Variants in CWC22 observed in about 807,000 individuals in gnomAD.
CWC22 encodes the protein pre-mRNA-splicing factor CWC22 homolog.
CWC22 carries 53 observed loss-of-function variants against 117.2 expected under a neutral mutation model. The ratio of observed to expected loss-of-function variants is 0.45; its 90% CI spans 0.36 to 0.57. CWC22 has a LOEUF of 0.57. Among genes scored for constraint, CWC22 ranks in the 20% least tolerant of loss-of-function variants. The pLI, the probability that CWC22 is intolerant of heterozygous loss-of-function variation, is 0.00. For missense variants in CWC22, 980 were observed against 1,068.8 expected, an observed-to-expected ratio of 0.92 and a Z score of 1.16; for synonymous variants, 360 against 355.6, an observed-to-expected ratio of 1.01 and a Z score of -0.14.
At chr2:179,947,274 C>T (rs1432197188) in intron 19 of CWC22, among the ~76,000 whole-genome samples, 1 of 152,146 alleles carries the variant, frequency 6.6e-6, no homozygotes, top group Non-Finnish European at 1.5e-5. Context: ...TCTCTGGTTC[C>T]TATCAAACAG....
intron 2 of CWC22, among the ~76,000 whole-genome samples, chr2:179,989,570 AG>A (rs765583018): frequency 2.6e-5 from 4 of 152,170 alleles, no homozygotes; most frequent in Non-Finnish European, 5.9e-5. Flanking sequence ...CATTACTTTT[AG>A]GGTATAAGCA....
At position 179,970,769 on chromosome 2, in the gene CWC22, C is replaced by T. The variant is rs373594028; in HGVS notation, c.1028G>A (p.Arg343Gln). 12 of 1,613,540 alleles carry T rather than the reference C, an allele frequency of 7.4e-6. No homozygotes were observed. The highest frequency in any genetic ancestry group is 1.0e-5 in the Non-Finnish European group (12 of 1,179,704). The change falls in exon 10 of 20, where the codon CGG becomes CAG. Residue 343 changes from arginine to glutamine, a missense_variant. By Grantham distance (43) the Arg-to-Gln change is conservative. Around this residue, in one of 3 missense-constraint regions of CWC22, gnomAD observed 559 missense variants for 602.3 expected, o/e 0.93. Coordinates refer to ENST00000410053, the MANE Select transcript of CWC22 (RefSeq NM_020943.3). ...GGGGTGGTCCTTGAATCCATCTTTC[C>T]GTACAGCAAACATCACTTCAATCAT... ...QYMIEVMFAV[R>Q]KDGFKDHPII...
chr2:179,956,741 C>G (rs992900649), intron 14 of CWC22, among the ~76,000 whole-genome samples: 1 of 151,526 alleles, frequency 6.6e-6, no homozygotes, highest in Non-Finnish European at 1.5e-5. Flanking sequence ...TTTCTAAATT[C>G]TACCAAATTA....
intron 4 of CWC22, among the ~76,000 whole-genome samples, chr2:179,986,116 T>C (rs1403104358): frequency 1.3e-5 from 2 of 152,092 alleles, no homozygotes; most frequent in Non-Finnish European, 2.9e-5. Flanking sequence ...CTGCCTTCCA[T>C]TCAGTTCCCT....
chr2:179,948,042 T>C (rs1686354084), intron 19 of CWC22, among the ~76,000 whole-genome samples: 1 of 152,214 alleles, frequency 6.6e-6, no homozygotes. Context: ...CATCTTTTAC[T>C]ATAGCATTTC....
At chr2:179,982,504 T>C (rs1460944447) in intron 4 of CWC22, among the ~76,000 whole-genome samples, 1 of 152,126 alleles carries the variant, frequency 6.6e-6, no homozygotes, top group Non-Finnish European at 1.5e-5. Flanking sequence ...ATATGACAAA[T>C]TGTATAAAGG....
chr2:179,997,225 A>G (rs1321955691), intron 1 of CWC22, among the ~76,000 whole-genome samples: 2 of 152,108 alleles, frequency 1.3e-5, no homozygotes, highest in South Asian at 2.1e-4. Context: ...TACACTATGC[A>G]AGGTTTTCTA....
At chr2:179,948,509 T>C (rs973587547) in intron 19 of CWC22, among the ~76,000 whole-genome samples, 8 of 152,074 alleles carry the variant, frequency 5.3e-5, no homozygotes, top group African/African-American at 1.9e-4. Context: ...CAGAGAAAAA[T>C]AGTTTCCCTG....
rs570426588 is a variant in CWC22, at chr2:180,005,481, C to G, written c.-114+1386G>C. ...GTCCCAGCTACTTGGGAGGCTGAGGCAGGAGAATGGCATGAACTAGGGAGG... is the reference window on the plus strand; with the variant it reads ...GTCCCAGCTACTTGGGAGGCTGAGGGAGGAGAATGGCATGAACTAGGGAGG... On this transcript the variant is annotated intron_variant, in intron 1 of 19. Transcript: ENST00000410053. 3.3e-5 allele frequency among the ~76,000 whole-genome samples: 5 copies of G among 152,256 alleles called. No individual in the cohort carries two copies. In the East Asian group the frequency reaches 9.7e-4, roughly 29 times the overall value.
In CWC22 at chr2:179,950,839, A is replaced by T. The variant is rs1669956276; in HGVS notation, c.1905T>A (p.Gly635=). 1.2e-6 allele frequency: 2 copies of T among 1,601,906 alleles called. No homozygotes were observed. The highest frequency in any genetic ancestry group is 1.7e-6 in the Non-Finnish European group (2 of 1,172,422). ...RFAINFFTSI[G]LGGLTDELRE... ...ATAATCCTTACGTTAAACCTCCAAGACCTATAGAAGTAAAGAAGTTGATGG... is the reference window on the plus strand; with the variant it reads ...ATAATCCTTACGTTAAACCTCCAAGTCCTATAGAAGTAAAGAAGTTGATGG... The change falls in exon 18 of 20, where the codon GGT becomes GGA. Residue 635 remains glycine (G), a synonymous_variant. Transcript: ENST00000410053.
At chr2:179,968,780 C>T (rs1489055020) in intron 11 of CWC22, among the ~76,000 whole-genome samples, 1 of 151,934 alleles carries the variant, frequency 6.6e-6, no homozygotes, top group Non-Finnish European at 1.5e-5. Flanking sequence ...GTTGGTCAGA[C>T]TAGTCTCGAA....
intron 4 of CWC22, among the ~76,000 whole-genome samples, chr2:179,984,613 T>C (rs897333252): frequency 6.6e-6 from 1 of 151,998 alleles, no homozygotes; most frequent in African/African-American, 2.4e-5. Context: ...AAGATATTGA[T>C]TTTAGTCAAC....
chr2:179,998,224 CTTT>C (rs1687756702), intron 1 of CWC22, among the ~76,000 whole-genome samples: 1 of 152,094 alleles, frequency 6.6e-6, no homozygotes, highest in African/African-American at 2.4e-5. Flanking sequence ...AGCCTACCTA[CTTT>C]ATAGTGAAGA....
intron 13 of CWC22, among the ~76,000 whole-genome samples, chr2:179,963,554 G>C (rs1686812480): frequency 6.6e-6 from 1 of 151,280 alleles, no homozygotes; most frequent in Non-Finnish European, 1.5e-5. Flanking sequence ...GTGTTAGCCA[G>C]GATGGTCTCG....
At chr2:179,983,487 C>T (rs115569960) in intron 4 of CWC22, among the ~76,000 whole-genome samples, 13,419 of 152,052 alleles carry the variant, frequency 0.088, 704 homozygotes, top group Non-Finnish European at 0.12. Flanking sequence ...TGTATAAGTA[C>T]GACATTTCCT....
At chr2:180,001,416 C>A (rs891837674) in intron 1 of CWC22, among the ~76,000 whole-genome samples, 5 of 151,954 alleles carry the variant, frequency 3.3e-5, no homozygotes, top group Non-Finnish European at 7.4e-5. Context: ...GCCTCCACCA[C>A]CCAGGTTCAA....
intron 4 of CWC22, among the ~76,000 whole-genome samples, chr2:179,985,412 C>T (rs1379433099): frequency 6.6e-6 from 1 of 152,082 alleles, no homozygotes; most frequent in African/African-American, 2.4e-5. Context: ...ATCTGCCCCA[C>T]TATTTTCTTT....
At position 179,945,563 on chromosome 2, in the gene CWC22, C is replaced by A. The variant is rs1195970697; in HGVS notation, c.2293G>T (p.Glu765Ter). The A allele has an allele frequency of 6.2e-7, 1 of 1,613,224 alleles. No homozygotes were observed. Among genetic ancestry groups the A allele is most frequent in the Non-Finnish European group, 8.5e-7 (1 of 1,179,450 alleles). Residue 765 changes from glutamate (E) to a stop codon, truncating the protein, a stop_gained, in exon 20 of 20, where the codon GAA becomes TAA. Coordinates refer to ENST00000410053, the MANE Select transcript of CWC22 (RefSeq NM_020943.3). LOFTEE classifies it high-confidence loss of function. ...CTTGAATTTTGATCTCTGTGTTTTTCTGACCTTCTTTCTCTCTCAGTCCTT... is the reference window on the plus strand; with the variant it reads ...CTTGAATTTTGATCTCTGTGTTTTTATGACCTTCTTTCTCTCTCAGTCCTT... ...ETRTERERRSEKHRDQNSSGS... is the reference protein window; with the variant it reads ...ETRTERERRS
In CWC22 at chr2:179,973,914, A is replaced by C. The variant is rs1273250562; in HGVS notation, c.582-112T>G. 9.8e-6 allele frequency: 5 copies of C among 510,328 alleles called. No homozygotes were observed. The African/African-American group carries it at 1.0e-4, about 10-fold the overall frequency. The allele number at this position is 510,328 out of a possible 1,614,324, so 31.6% of individuals were successfully genotyped here. On this transcript the variant is annotated intron_variant, in intron 6 of 19. Coordinates refer to ENST00000410053, the MANE Select transcript of CWC22 (RefSeq NM_020943.3). ...TCTCTATAAGTAATCATAAAATCTA[A>C]ATCAGAACTAACTGGAAAGAGTTTG... is the stretch of plus-strand genomic sequence containing the variant.
Sources: allele counts gnomAD v4.1 joint callset (sites outside exome capture counted in the v4.1 genomes callset), GRCh38; gene constraint gnomAD v4.1.1; regional missense constraint gnomAD v4.1.1; transcripts MANE v1.5; gene names NCBI Gene and HGNC (gene_info 2026-07-23, HGNC 2026-07-21).